CIMAP2: variants seen among roughly 807,000 people sequenced by gnomAD.
The protein encoded by CIMAP2 is ciliary microtubule-associated protein 2.
the CIMAP2 span, chr1:54,807,167 G>A: frequency 2.1e-5 from 29 of 1,387,024 alleles, no homozygotes; most frequent in Non-Finnish European, 2.9e-5. Context: ...GATGAGCTGA[G>A]CTGTAGAAGG....
the CIMAP2 span, among the ~76,000 whole-genome samples, chr1:54,830,129 C>T: frequency 6.6e-6 from 1 of 152,186 alleles, no homozygotes; most frequent in Non-Finnish European, 1.5e-5. This position sits in a 1 kb window ranked among gnomAD's most constrained non-coding sequence, Gnocchi z 4.1. Context: ...GCTGTCCAAG[C>T]TCTAGGATCT....
the CIMAP2 span, chr1:54,806,310 T>C: frequency 2.3e-6 from 3 of 1,285,916 alleles, no homozygotes; most frequent in South Asian, 4.4e-5. Flanking sequence ...GGAGAGAGGG[T>C]GTCCACCTAC....
chr1:54,811,764 A>AGCCGGGGGGGG, the CIMAP2 span: 10 of 1,097,898 alleles, frequency 9.1e-6, no homozygotes, highest in Non-Finnish European at 1.3e-5. Flanking sequence ...TGGTTCTGAC[A>AGCCGGGGGGGG]GCCTCCATGC....
the CIMAP2 span, chr1:54,811,766 C>T: frequency 8.4e-6 from 11 of 1,305,076 alleles, no homozygotes; most frequent in Admixed American, 2.1e-4. Context: ...GTTCTGACAG[C>T]CTCCATGCCC....
chr1:54,816,151 G>A, the CIMAP2 span, among the ~76,000 whole-genome samples: 3 of 152,216 alleles, frequency 2.0e-5, no homozygotes, highest in Non-Finnish European at 4.4e-5. Context: ...TGTGAGGTCC[G>A]GGTTCTGGTG....
the CIMAP2 span, among the ~76,000 whole-genome samples, chr1:54,825,840 TG>T: frequency 6.6e-6 from 1 of 151,778 alleles, no homozygotes. Flanking sequence ...GCAGTGGCAG[TG>T]GTGAGCAAGA....
the CIMAP2 span, chr1:54,806,284 GC>G: frequency 7.1e-7 from 1 of 1,408,286 alleles, no homozygotes; most frequent in Non-Finnish European, 9.3e-7. Context: ...CCACCCCGAA[GC>G]CACGCTTGGC....
At chr1:54,836,344 C>T in the CIMAP2 span, among the ~76,000 whole-genome samples, 1 of 151,260 alleles carries the variant, frequency 6.6e-6, no homozygotes, top group African/African-American at 2.4e-5. Context: ...CTGTGTCCCC[C>T]TTTCCTTATT....
At chr1:54,810,003 G>A in the CIMAP2 span, among the ~76,000 whole-genome samples, 9 of 152,064 alleles carry the variant, frequency 5.9e-5, no homozygotes, top group Non-Finnish European at 1.3e-4. Context: ...AGTTAAAACC[G>A]TAGGCTTTCC....
At chr1:54,806,845 T>C in the CIMAP2 span, 8 of 744,576 alleles carry the variant, frequency 1.1e-5, no homozygotes. Context: ...GCCTGGAACA[T>C]TCAAAGCCAC....
the CIMAP2 span, among the ~76,000 whole-genome samples, chr1:54,829,403 G>C: frequency 6.6e-5 from 10 of 152,246 alleles, no homozygotes; most frequent in African/African-American, 9.6e-5. Context: ...CAGACTGTTA[G>C]GCTGGGGCAT....
At chr1:54,835,548 G>A in the CIMAP2 span, among the ~76,000 whole-genome samples, 1 of 152,142 alleles carries the variant, frequency 6.6e-6, no homozygotes, top group African/African-American at 2.4e-5. Flanking sequence ...TAGGGATTAT[G>A]CTCAGTGCTT....
chr1:54,809,948 A>G, the CIMAP2 span, among the ~76,000 whole-genome samples: 3 of 152,154 alleles, frequency 2.0e-5, no homozygotes, highest in Admixed American at 6.5e-5. Flanking sequence ...TCTCCAATTA[A>G]TCATTCCTGT....
chr1:54,834,777 C>T, the CIMAP2 span, among the ~76,000 whole-genome samples: 1 of 152,334 alleles, frequency 6.6e-6, no homozygotes, highest in African/African-American at 2.4e-5. Context: ...TTTTGACTGC[C>T]ACCCATCACA....
chr1:54,821,708 A>G, the CIMAP2 span, among the ~76,000 whole-genome samples: 1 of 152,026 alleles, frequency 6.6e-6, no homozygotes, highest in Non-Finnish European at 1.5e-5. Flanking sequence ...TTACTGGTGT[A>G]TAGAAATGCT....
the CIMAP2 span, among the ~76,000 whole-genome samples, chr1:54,815,839 C>T: frequency 6.6e-6 from 1 of 151,778 alleles, no homozygotes; most frequent in African/African-American, 2.4e-5. Flanking sequence ...GAGCCCCTGC[C>T]ATTCCCACCC....
the CIMAP2 span, chr1:54,811,765 G>GCCGGGGGGGGGGCGCCCCCC: frequency 2.3e-6 from 3 of 1,301,332 alleles, no homozygotes; most frequent in Non-Finnish European, 3.3e-6. Flanking sequence ...GGTTCTGACA[G>GCCGGGGGGGGGGCGCCCCCC]CCTCCATGCC....
the CIMAP2 span, among the ~76,000 whole-genome samples, chr1:54,810,983 G>A: frequency 6.6e-6 from 1 of 152,090 alleles, no homozygotes; most frequent in South Asian, 2.1e-4. Context: ...CCTCTTCCCT[G>A]CATCCCACAC....
the CIMAP2 span, among the ~76,000 whole-genome samples, chr1:54,808,618 A>AGGGGGC: frequency 2.4e-5 from 2 of 82,194 alleles, no homozygotes; most frequent in Non-Finnish European, 5.5e-5. Flanking sequence ...CTGCCGGGGG[A>AGGGGGC]GGGCAGTGGA....
Sources: gnomAD v4.1 joint callset for allele counts (sites outside exome capture counted in the v4.1 genomes callset) on GRCh38, gnomAD v4.1.1 for gene constraint, Gnocchi (gnomAD v3.1) non-coding constraint, MANE v1.5 for transcripts, NCBI Gene and HGNC (gene_info 2026-07-23, HGNC 2026-07-21) for gene names.